CDH15: variants seen among roughly 807,000 people sequenced by gnomAD.
CDH15 encodes cadherin-15.
Under a neutral mutation model 69.4 loss-of-function variants are expected in CDH15, and 73 were observed. The ratio of observed to expected loss-of-function variants is 1.05; its 90% CI spans 0.87 to 1.28. CDH15 has a LOEUF of 1.28. Among genes scored for constraint, CDH15 ranks in the 50% most tolerant of loss-of-function variants. The pLI is 0.00. For synonymous variants in CDH15, 624 were observed against 507.7 expected, an observed-to-expected ratio of 1.23 and a Z score of -3.08; for missense variants, 1,343 against 1,133.6, an observed-to-expected ratio of 1.18 and a Z score of -2.65.
rs1400308764 is a variant in CDH15, at chr16:89,192,228, C to A, written c.1639C>A (p.Arg547=). The A allele has an allele frequency of 6.5e-7, 1 of 1,529,256 alleles. No individual in the cohort carries two copies. Among genetic ancestry groups the A allele is most frequent in the Non-Finnish European group, 8.7e-7 (1 of 1,144,588 alleles). The allele number at this position is 1,529,256 out of a possible 1,614,324, so 94.7% of individuals were successfully genotyped here. A position where few individuals can be genotyped will look rare whatever the true frequency, so the allele number is the denominator to read the frequency against. Residue 547 remains arginine, a synonymous_variant, in exon 11 of 14, where the codon CGA becomes AGA. Coordinates refer to ENST00000289746, the MANE Select transcript of CDH15 (RefSeq NM_004933.3). ...AGTGAGCCACGCGCGCCTGCGGCCG[C>A]GACACCAGGTCCCCGAAGGCCTGCA... The part of the protein sequence containing the change: ...VNVSHARLRP[R]HQVPEGLHRL...
chr16:89,188,726 CGG>C (rs1326111532), intron 7 of CDH15, among the ~76,000 whole-genome samples: 13 of 125,586 alleles, frequency 1.0e-4, no homozygotes, highest in East Asian at 2.6e-4. Context: ...ACACAGATGC[CGG>C]CACACACAGA....
chr16:89,171,866 T>A lies in CDH15; in HGVS notation c.35T>A (p.Leu12Ter). The change falls in exon 1 of 14, where the codon TTG (leucine) becomes TAG (stop). Residue 12 changes from leucine (L) to a stop codon, truncating the protein, a stop_gained. Transcript: ENST00000289746. LOFTEE classifies it high-confidence loss of function. ...GCGTTCCTCCTCGTCCTCGGGCTGTTGGCCCAGGTAAGGCATCGGCACCTG... is the reference window on the plus strand; with the variant it reads ...GCGTTCCTCCTCGTCCTCGGGCTGTAGGCCCAGGTAAGGCATCGGCACCTG... The part of the protein sequence containing the change: ...DAAFLLVLGL[L>*]AQSLCLSLGV... The A allele has an allele frequency of 6.4e-7, 1 of 1,558,698 alleles. No homozygotes were observed. Among genetic ancestry groups the A allele is most frequent in the Non-Finnish European group, 8.7e-7 (1 of 1,155,104 alleles).
chr16:89,192,110 G>A (rs1567776832), intron 10 of CDH15, 95 bp from the exon 11 acceptor site: 5 of 1,423,262 alleles, frequency 3.5e-6, no homozygotes, highest in African/African-American at 1.4e-5. Flanking sequence ...CCAGGCCCAG[G>A]ATCTCGGGAT....
Position 89,192,388 on chromosome 16 carries a change from C to G in CDH15, c.1799C>G (p.Thr600Arg), listed in dbSNP as rs1377485325. 1.3e-6 allele frequency: 2 copies of G among 1,537,638 alleles called. No individual in the cohort carries two copies. The highest frequency in any genetic ancestry group is 1.4e-5 in the African/African-American group (1 of 73,056). The change falls in exon 11 of 14, where the codon ACA becomes AGA. Residue 600 changes from threonine (T) to arginine (R), a missense_variant. Coordinates refer to ENST00000289746, the MANE Select transcript of CDH15 (RefSeq NM_004933.3). ...PGAAALLAGG[T>R]GLSLGALVIV... ...GCCGCAGCGCTGCTGGCGGGGGGCA[C>G]AGGCCTCAGCCTGGGCGCACTGGTC...
rs767265533 is a variant in CDH15 at position 89,188,163 on chromosome 16, A to G, written c.856A>G (p.Arg286Gly). The change falls in exon 7 of 14, where the codon AGG (arginine) becomes GGG (glycine). Residue 286 changes from arginine to glycine, a missense_variant. Arg to Gly is a moderately radical substitution (Grantham distance 125, BLOSUM62 -2). Transcript: ENST00000289746. ...VDVGRLEVED[R>G]DLPGSPNWVA... is the part of the protein sequence containing the mutation. ...TGTGGGACGCCTGGAAGTGGAGGAC[A>G]GGGACCTGCCAGGCTCCCCAAACTG... 5.6e-6 allele frequency: 9 copies of G among 1,613,278 alleles called. No individual in the cohort carries two copies. The African/African-American group carries it at 1.2e-4, about 22-fold the overall frequency.
intron 11 of CDH15, 34 bp from the exon 12 acceptor site, chr16:89,193,436 G>A (rs961645083): frequency 6.3e-7 from 1 of 1,578,998 alleles, no homozygotes; most frequent in African/African-American, 1.4e-5. Flanking sequence ...CGCGCCCTGT[G>A]CCTGGCCCCA....
intron 10 of CDH15, 108 bp from the exon 11 acceptor site, chr16:89,192,097 G>A (rs1011100089): frequency 5.1e-6 from 7 of 1,380,520 alleles, no homozygotes; most frequent in East Asian, 5.1e-5. Flanking sequence ...GGGTGGGGGG[G>A]ACCCAGGCCC....
Position 89,173,689 on chromosome 16 carries a change from C to T in CDH15, c.42+1816C>T, listed in dbSNP as rs1351641759. On this transcript the variant is annotated intron_variant, in intron 1 of 13. Coordinates refer to ENST00000289746, the MANE Select transcript of CDH15 (RefSeq NM_004933.3). ...GGTCCTGGGCCGCCTCCTGGTGAGC[C>T]CCCAGGCAGGCAGCGTGGGCCCATC... Among the ~76,000 whole-genome samples the T allele has an allele frequency of 2.6e-5, 4 of 152,312 alleles. No homozygotes were observed. In the South Asian group the frequency reaches 8.3e-4, roughly 32 times the overall value.
Position 89,193,744 on chromosome 16 carries a change from C to G in CDH15, c.1993-11C>G. 6.2e-7 allele frequency: 1 copy of G among 1,601,460 alleles called. No individual in the cohort carries two copies. The highest frequency in any genetic ancestry group is 8.5e-7 in the Non-Finnish European group (1 of 1,177,746). ...GGGATGCCTGGCTCTGTTCCACCTC[C>G]TCGCCCACAGGACGCCTACGACATC... On this transcript the variant is annotated splice_polypyrimidine_tract_variant and intron_variant, in intron 12 of 13. Coordinates refer to ENST00000289746, the MANE Select transcript of CDH15 (RefSeq NM_004933.3).
At chr16:89,181,311 A>T (rs771160029) in intron 3 of CDH15, among the ~76,000 whole-genome samples, 2 of 152,126 alleles carry the variant, frequency 1.3e-5, no homozygotes, top group Non-Finnish European at 2.9e-5. Context: ...GGGGGCTGGG[A>T]TTCTCAGAGA....
intron 1 of CDH15, among the ~76,000 whole-genome samples, chr16:89,177,521 C>T (rs1915284074): frequency 6.6e-6 from 1 of 152,080 alleles, no homozygotes; most frequent in Non-Finnish European, 1.5e-5. Flanking sequence ...GCCTGGCGAC[C>T]CCCAGGACTA....
At chr16:89,187,092 A>C (rs1328841949) in intron 5 of CDH15, among the ~76,000 whole-genome samples, 1 of 147,294 alleles carries the variant, frequency 6.8e-6, no homozygotes, top group Non-Finnish European at 1.5e-5. Flanking sequence ...GTAAACACTT[A>C]CCCAGCACAG....
At chr16:89,189,924 A>G (rs1483797025) in intron 7 of CDH15, among the ~76,000 whole-genome samples, 1 of 152,162 alleles carries the variant, frequency 6.6e-6, no homozygotes, top group Non-Finnish European at 1.5e-5. Flanking sequence ...AACCCACATC[A>G]CCCAGGACGA....
Position 89,187,416 on chromosome 16 carries a change from C to G in CDH15, c.664-13C>G. The G allele has an allele frequency of 1.9e-6, 3 of 1,612,264 alleles. No homozygotes were observed. Among genetic ancestry groups the G allele is most frequent in the Non-Finnish European group, 2.5e-6 (3 of 1,179,970 alleles). ...GGGCCCTCATCTTCTGACCCTGTGC[C>G]CCACATCCCCAGGTGGTCGCGGTGT... On this transcript the variant is annotated splice_polypyrimidine_tract_variant and intron_variant, in intron 5 of 13. Transcript: ENST00000289746.
At chr16:89,185,706 C>A in intron 5 of CDH15, 1 of 348,706 alleles carries the variant, frequency 2.9e-6, no homozygotes, top group Non-Finnish European at 5.5e-6. Flanking sequence ...CGGAAGACCC[C>A]CCTTGAGTCA....
At chr16:89,183,775 T>A in intron 4 of CDH15, 83 bp downstream of exon 4, 2 of 1,405,752 alleles carry the variant, frequency 1.4e-6, no homozygotes, top group Non-Finnish European at 1.9e-6. Flanking sequence ...AAGCAAGAAT[T>A]CCAGAGGCCC....
At chr16:89,182,762 G>A (rs1400296812) in intron 3 of CDH15, 1 of 152,236 alleles carries the variant, frequency 6.6e-6, no homozygotes, top group Non-Finnish European at 1.5e-5. Context: ...TTTAGACTTT[G>A]AGAACCAGTC....
chr16:89,189,632 A>C (rs72819363), intron 7 of CDH15, among the ~76,000 whole-genome samples: 20,115 of 152,296 alleles, frequency 0.13, 1,636 homozygotes, highest in Non-Finnish European at 0.19. Context: ...TTTCATATGG[A>C]ATCCATGTAC....
At chr16:89,172,783 C>T (rs774191809) in intron 1 of CDH15, among the ~76,000 whole-genome samples, 4 of 152,292 alleles carry the variant, frequency 2.6e-5, no homozygotes, top group South Asian at 2.1e-4. Flanking sequence ...GGGGCATGGC[C>T]GGCTGTGGTT....
Sources: allele counts gnomAD v4.1 joint callset (sites outside exome capture counted in the v4.1 genomes callset), GRCh38; gene constraint gnomAD v4.1.1; transcripts MANE v1.5; gene names NCBI Gene and HGNC (gene_info 2026-07-23, HGNC 2026-07-21).